The following PCNT variants were observed in gnomAD, a reference collection of about 807,000 sequenced individuals.
The protein encoded by PCNT is pericentrin, also known as kendrin.
A neutral mutation model predicts 380.4 loss-of-function variants in PCNT; 319 were observed. The observed-to-expected ratio is 0.84, with a 90% CI of 0.77 to 0.92. The LOEUF (loss-of-function observed/expected upper bound fraction) is 0.92, where lower values mean the gene tolerates loss of function less well. Among genes scored for constraint, PCNT ranks in the 40% least tolerant of loss-of-function variants. The pLI is 0.00. For synonymous variants in PCNT, 1,845 were observed against 1,735.2 expected (o/e 1.06, Z -1.57); for missense variants, 4,400 against 4,255.3 (o/e 1.03, Z -0.95).
chr21:46,383,544 G>A (rs2085678351), intron 16 of PCNT, among the ~76,000 whole-genome samples: 2 of 143,622 alleles, frequency 1.4e-5, no homozygotes, highest in African/African-American at 2.6e-5. Context: ...CGCATTCACA[G>A]TGTTGTATAT....
At chr21:46,426,050 T>A in intron 33 of PCNT, 79 bp downstream of exon 33, 1 of 1,112,146 alleles carries the variant, frequency 9.0e-7, no homozygotes, top group Non-Finnish European at 1.4e-6. Flanking sequence ...TAGGGCCACG[T>A]GGACACTAGG....
intron 11 of PCNT, among the ~76,000 whole-genome samples, chr21:46,354,663 G>C (rs2084408547): frequency 6.6e-6 from 1 of 152,152 alleles, no homozygotes; most frequent in South Asian, 2.1e-4. Context: ...GCAGCACCGC[G>C]TGGCTTGTTG....
At chr21:46,442,759 C>G (rs2053643942) in intron 44 of PCNT, 186 bp downstream of exon 44, 1 of 644,004 alleles carries the variant, frequency 1.6e-6, no homozygotes, top group Non-Finnish European at 2.8e-6. Flanking sequence ...GGTCAGAGCT[C>G]ATGTTAGCTA....
At chr21:46,357,517 C>G (rs2146732924) in intron 13 of PCNT, among the ~76,000 whole-genome samples, 1 of 152,344 alleles carries the variant, frequency 6.6e-6, no homozygotes, top group African/African-American at 2.4e-5. Context: ...TCTCAGCTCA[C>G]TGCAACCTCT....
In PCNT at chr21:46,431,897, GC is replaced by G; in HGVS notation, c.8434del (p.Gln2812SerfsTer28). ...VDLQAMLEKV[Q>X]QQALHSQQQL... is the part of the protein sequence containing the mutation. ...ACTTGCAAGCGATGCTTGAAAAGGT[GC>G]AGCAGCAAGCCCTGCATTCTCAGCA... On this transcript the variant is annotated frameshift_variant, in exon 38 of 47. Transcript: ENST00000359568. LOFTEE classifies it high-confidence loss of function. 1 of 1,614,108 alleles carries G rather than the reference GC, an allele frequency of 6.2e-7. No homozygotes were observed. Among genetic ancestry groups the G allele is most frequent in the South Asian group, 1.1e-5 (1 of 91,086 alleles).
Position 46,363,504 on chromosome 21 carries a change from C to G in PCNT, c.2179C>G (p.His727Asp), listed in dbSNP as rs767864228. The G allele has an allele frequency of 7.4e-6, 12 of 1,613,394 alleles. No homozygotes were observed. Among genetic ancestry groups the G allele is most frequent in the Non-Finnish European group, 8.5e-6 (10 of 1,179,526 alleles). ...GGTAAAACACAATCTAATTGAAGAC[C>G]ACCAGAAGGAACTAAATAATGCTAA... ...EKVKHNLIEDHQKELNNAKQK... is the reference protein window; with the variant it reads ...EKVKHNLIEDDQKELNNAKQK... Residue 727 changes from histidine (H) to aspartate (D), a missense_variant, in exon 14 of 47, where the codon CAC (histidine) becomes GAC (aspartate). Coordinates refer to ENST00000359568, the MANE Select transcript of PCNT (RefSeq NM_006031.6).
chr21:46,411,041 C>A, intron 27 of PCNT, 148 bp from the exon 28 acceptor site: 1 of 817,710 alleles, frequency 1.2e-6, no homozygotes, highest in Non-Finnish European at 2.1e-6. Flanking sequence ...GTGCATCCGG[C>A]ACCAGCAGTT....
At chr21:46,355,764 A>G in intron 12 of PCNT, 138 bp downstream of exon 12, 1 of 848,500 alleles carries the variant, frequency 1.2e-6, no homozygotes, top group African/African-American at 1.7e-5. Context: ...TGGGGCTGAC[A>G]CCTCAACAGA....
In PCNT at chr21:46,334,682, T is replaced by C; in HGVS notation, c.553T>C (p.Phe185Leu). ...CCACCAACCGGAACAGCGTGGGATG[T>C]TCACAGTCAGTGACCACACACCAGA... ...SDHQPEQRGM[F>L]TVSDHTPEQR... The change falls in exon 3 of 47, where the codon TTC becomes CTC. Residue 185 changes from phenylalanine to leucine, a missense_variant. By Grantham distance (22) the Phe-to-Leu change is conservative. Transcript: ENST00000359568. The C allele has an allele frequency of 6.2e-7, 1 of 1,611,570 alleles. No homozygotes were observed. The highest frequency in any genetic ancestry group is 2.2e-5 in the East Asian group (1 of 44,742).
rs1233569633 is a variant in PCNT, at chr21:46,411,432, G to A, written c.5359G>A (p.Ala1787Thr). ...CCAGGCCGGGGGCCCTCGTGGGCAG[G>A]CCCTACAGGGCGAGCTCGAGGCTGC... Reference protein sequence around the residue: ...CSQAGGPRGQALQGELEAALE... With the variant: ...CSQAGGPRGQTLQGELEAALE... Residue 1787 changes from alanine to threonine, a missense_variant, in exon 28 of 47, where the codon GCC becomes ACC. Physicochemically the swap from Ala to Thr is moderately conservative, Grantham distance 58. Transcript: ENST00000359568. 2.5e-6 allele frequency: 4 copies of A among 1,612,370 alleles called. No individual in the cohort carries two copies. Among genetic ancestry groups the A allele is most frequent in the Non-Finnish European group, 2.5e-6 (3 of 1,179,718 alleles).
intron 15 of PCNT, among the ~76,000 whole-genome samples, chr21:46,375,779 C>G (rs776558010): frequency 6.6e-6 from 1 of 152,270 alleles, no homozygotes; most frequent in Admixed American, 6.5e-5. Flanking sequence ...GCTGTCCCCC[C>G]GCGGGGAGCC....
intron 3 of PCNT, among the ~76,000 whole-genome samples, chr21:46,336,313 C>CT (rs1267724638): frequency 6.6e-6 from 1 of 152,166 alleles, no homozygotes; most frequent in Non-Finnish European, 1.5e-5. Flanking sequence ...CAGGAAAGAT[C>CT]TAACTCCTAG....
At position 46,326,592 on chromosome 21, in the gene PCNT, A is replaced by T; in HGVS notation, c.267+3A>T. The T allele has an allele frequency of 6.2e-7, 1 of 1,613,032 alleles. No homozygotes were observed. The highest frequency in any genetic ancestry group is 8.5e-7 in the Non-Finnish European group (1 of 1,179,006). The stretch of plus-strand genomic sequence containing the variant: ...CAGGAGGGGCCTTTGCAGCTCAGGT[A>T]GATTTGCTCAATGTTGTATTTGAAC... On this transcript the variant is annotated splice_donor_region_variant and intron_variant, in intron 2 of 46. Transcript: ENST00000359568.
intron 15 of PCNT, among the ~76,000 whole-genome samples, chr21:46,368,320 C>T (rs1394952133): frequency 2.0e-5 from 3 of 152,178 alleles, no homozygotes; most frequent in East Asian, 1.9e-4. Flanking sequence ...TGGTGGCGGA[C>T]GCCTGTAGTC....
chr21:46,431,452 C>G, intron 37 of PCNT, 77 bp from the exon 38 acceptor site: 1 of 1,611,584 alleles, frequency 6.2e-7, no homozygotes, highest in East Asian at 2.2e-5. Flanking sequence ...AGTATATAAA[C>G]AAATGTGGAC....
intron 38 of PCNT, among the ~76,000 whole-genome samples, chr21:46,434,976 A>G (rs1359950404): frequency 7.0e-6 from 1 of 142,528 alleles, no homozygotes; most frequent in Non-Finnish European, 1.5e-5. Flanking sequence ...TGAAAGCCTG[A>G]TAGTTTTAAA....
At chr21:46,356,351 C>T (rs1420594634) in intron 12 of PCNT, among the ~76,000 whole-genome samples, 1 of 152,206 alleles carries the variant, frequency 6.6e-6, no homozygotes, top group African/African-American at 2.4e-5. Flanking sequence ...TGCAGCGGCG[C>T]CTGCATCTGG....
chr21:46,403,214 G>C (rs1443388557), intron 27 of PCNT, among the ~76,000 whole-genome samples: 2 of 142,020 alleles, frequency 1.4e-5, no homozygotes, highest in Non-Finnish European at 3.2e-5. Flanking sequence ...AGAATCGTGT[G>C]TGTGTGGTGC....
chr21:46,390,961 G>C, intron 20 of PCNT, 129 bp downstream of exon 20: 2 of 1,245,574 alleles, frequency 1.6e-6, no homozygotes, highest in Non-Finnish European at 2.3e-6. Context: ...AACATGGGAG[G>C]CACCCATGGT....
Sources: gnomAD v4.1 joint callset for allele counts (sites outside exome capture counted in the v4.1 genomes callset) on GRCh38, gnomAD v4.1.1 for gene constraint, MANE v1.5 for transcripts, NCBI Gene and HGNC (gene_info 2026-07-23, HGNC 2026-07-21) for gene names.